The following CEP68 variants were observed in gnomAD, a reference collection of about 807,000 sequenced individuals.
CEP68 encodes the protein centrosomal protein of 68 kDa.
CEP68 carries 26 observed loss-of-function variants against 55.3 expected under a neutral mutation model. That is an observed-to-expected ratio of 0.47 (90% confidence interval 0.34 to 0.65). The LOEUF (loss-of-function observed/expected upper bound fraction) is 0.65, where lower values mean the gene tolerates loss of function less well. Among genes scored for constraint, CEP68 ranks in the 30% least tolerant of loss-of-function variants. The pLI is 0.01. For missense variants in CEP68, 957 were observed against 946.7 expected (o/e 1.01, Z -0.14); for synonymous variants, 402 against 383.2 (o/e 1.05, Z -0.57).
At chr2:65,080,504 A>C (rs1357132867) in intron 5 of CEP68, 31 of 985,264 alleles carry the variant, frequency 3.1e-5, no homozygotes, top group Non-Finnish European at 3.3e-5. Flanking sequence ...CCCCAACCAA[A>C]CATTCTGACA....
intron 1 of CEP68, among the ~76,000 whole-genome samples, chr2:65,067,249 G>A (rs1056855177): frequency 2.0e-5 from 3 of 151,294 alleles, no homozygotes; most frequent in Admixed American, 6.6e-5. Context: ...GCATGGTGGC[G>A]CACGCCTGTA....
intron 2 of CEP68, 61 bp from the exon 3 acceptor site, chr2:65,071,393 C>G: frequency 7.0e-7 from 1 of 1,419,154 alleles, no homozygotes; most frequent in Admixed American, 1.8e-5. Flanking sequence ...GGGTTGTCAT[C>G]TAAGAAAGAA....
At chr2:65,080,397 CTT>C in intron 5 of CEP68, 1 of 985,358 alleles carries the variant, frequency 1.0e-6, no homozygotes. Flanking sequence ...GGGTGCAAAA[CTT>C]AACTTTTCTT....
At chr2:65,068,730 G>A (rs1676316050) in intron 1 of CEP68, among the ~76,000 whole-genome samples, 2 of 152,204 alleles carry the variant, frequency 1.3e-5, no homozygotes, top group African/African-American at 4.8e-5. Context: ...AGGAGGCTGA[G>A]GTGGGAGGAT....
intron 4 of CEP68, chr2:65,074,789 TTTC>T (rs1053081572): frequency 3.8e-6 from 1 of 261,484 alleles, no homozygotes; most frequent in African/African-American, 2.3e-5. Flanking sequence ...AAAAAAGTTT[TTTC>T]TTAATTAAAA....
intron 2 of CEP68, chr2:65,070,680 TAAAC>T (rs1558560554): frequency 6.6e-6 from 1 of 152,108 alleles, no homozygotes; most frequent in Non-Finnish European, 1.5e-5. Flanking sequence ...AAGCGAATCA[TAAAC>T]AGACACAGAA....
chr2:65,067,126 A>C lies in CEP68; in HGVS notation c.-46-2273A>C, dbSNP rs116050796. ...AAGCCTGGTACAGTGGCTTATGCCT[A>C]TAATCCCAGCACTTTGGGAGGTGGG... On this transcript the variant is annotated intron_variant, in intron 1 of 6. Coordinates refer to ENST00000377990, the MANE Select transcript of CEP68 (RefSeq NM_015147.3). Among the ~76,000 whole-genome samples, 1,432 of 151,872 alleles carry C rather than the reference A, an allele frequency of 9.4e-3. 8 individuals carry two copies. The highest frequency in any genetic ancestry group is 0.014 in the Non-Finnish European group (966 of 67,960).
chr2:65,074,856 T>C (rs112534140), intron 4 of CEP68: 102 of 253,070 alleles, frequency 4.0e-4, no homozygotes, highest in Non-Finnish European at 6.9e-4. Flanking sequence ...TCTCAGGGAT[T>C]ATAAATACAG....
chr2:65,080,226 GCT>G (rs1270392674), intron 5 of CEP68: 1 of 984,486 alleles, frequency 1.0e-6, no homozygotes, highest in South Asian at 4.7e-5. Flanking sequence ...GTCCCACTTT[GCT>G]CTCTCAAGAG....
rs755740112 is a variant in CEP68 at position 65,069,610 on chromosome 2, T to TG, written c.172dup (p.Ala58GlyfsTer14). On this transcript the variant is annotated frameshift_variant, in exon 2 of 7. Coordinates refer to ENST00000377990, the MANE Select transcript of CEP68 (RefSeq NM_015147.3). LOFTEE classifies it high-confidence loss of function. ...TGAGGGAGGGCTCATCTCCCCTGTA[T>TG]GGGGGGCAGAAGGGATACCTGCCCC... 1 of 1,614,000 alleles carries TG rather than the reference T, an allele frequency of 6.2e-7. No homozygotes were observed. The highest frequency in any genetic ancestry group is 1.3e-5 in the African/African-American group (1 of 75,042).
chr2:65,057,043 A>G (rs1197270944), intron 1 of CEP68, among the ~76,000 whole-genome samples: 1 of 152,268 alleles, frequency 6.6e-6, no homozygotes, highest in Non-Finnish European at 1.5e-5. Context: ...GCGGAGAGAA[A>G]AAATCAAGAT....
At chr2:65,059,475 A>G (rs963625235) in intron 1 of CEP68, among the ~76,000 whole-genome samples, 4 of 152,200 alleles carry the variant, frequency 2.6e-5, no homozygotes, top group South Asian at 4.1e-4. Context: ...ATGAATCTCA[A>G]ATTCTTTCTA....
rs1676462532 is a variant in CEP68, at chr2:65,071,540, T to A, written c.444T>A (p.Asp148Glu). 1 of 1,614,102 alleles carries A rather than the reference T, an allele frequency of 6.2e-7. No individual in the cohort carries two copies. The highest frequency in any genetic ancestry group is 1.1e-5 in the South Asian group (1 of 91,088). The part of the protein sequence containing the change: ...PRTTTICSGH[D>E]ADTEDDPSLA... ...CAACAACTATTTGCTCAGGACATGA[T>A]GCTGATACCGAAGATGATCCATCCC... Residue 148 changes from aspartate (D) to glutamate (E), a missense_variant, in exon 3 of 7, where the codon GAT (aspartate) becomes GAA (glutamate). Physicochemically the swap from Asp to Glu is conservative, Grantham distance 45. Transcript: ENST00000377990.
In CEP68 at chr2:65,086,870, A is replaced by G. The variant is rs571987447; in HGVS notation, c.*3236A>G. On this transcript the variant is annotated 3_prime_UTR_variant, in exon 7 of 7. Coordinates refer to ENST00000377990, the MANE Select transcript of CEP68 (RefSeq NM_015147.3). ...CGCCTATAATACAAAGTAAACTATGATTTTTATTGTGAAATTTTCATAGAT... is the reference window on the plus strand; with the variant it reads ...CGCCTATAATACAAAGTAAACTATGGTTTTTATTGTGAAATTTTCATAGAT... 27 of 152,736 alleles carry G rather than the reference A, an allele frequency of 1.8e-4. No homozygotes were observed. Among genetic ancestry groups the G allele is most frequent in the African/African-American group, 6.3e-4 (26 of 41,574 alleles). 9.5% of individuals were successfully genotyped at this position (152,736 alleles called of 1,614,324 possible). A position where few individuals can be genotyped will look rare whatever the true frequency, so the allele number is the denominator to read the frequency against.
At chr2:65,079,527 C>T (rs557682777) in intron 5 of CEP68, among the ~76,000 whole-genome samples, 1 of 152,284 alleles carries the variant, frequency 6.6e-6, no homozygotes, top group Admixed American at 6.5e-5. Flanking sequence ...AATCCCCTGC[C>T]CTTTTAAGGC....
intron 1 of CEP68, among the ~76,000 whole-genome samples, chr2:65,059,104 G>A (rs1294778547): frequency 2.0e-5 from 3 of 152,172 alleles, no homozygotes; most frequent in Non-Finnish European, 4.4e-5. Flanking sequence ...GCTTATGGAG[G>A]TGGACTCTCC....
intron 5 of CEP68, among the ~76,000 whole-genome samples, chr2:65,078,455 T>C (rs371305121): frequency 3.5e-4 from 54 of 152,236 alleles, no homozygotes; most frequent in Non-Finnish European, 6.3e-4. Flanking sequence ...ACAGTCAGTC[T>C]GTCCTCAGGG....
At chr2:65,067,582 C>A (rs1241360706) in intron 1 of CEP68, among the ~76,000 whole-genome samples, 4 of 152,082 alleles carry the variant, frequency 2.6e-5, no homozygotes, top group African/African-American at 4.8e-5. Flanking sequence ...TGACCTGTTA[C>A]ACTGATTCTG....
At chr2:65,058,704 G>A (rs942051684) in intron 1 of CEP68, among the ~76,000 whole-genome samples, 6 of 151,454 alleles carry the variant, frequency 4.0e-5, no homozygotes, top group African/African-American at 1.5e-4. Context: ...ACAGGGTTTC[G>A]CCATGTTGTC....
Sources: allele counts gnomAD v4.1 joint callset (sites outside exome capture counted in the v4.1 genomes callset), GRCh38; gene constraint gnomAD v4.1.1; transcripts MANE v1.5; gene names NCBI Gene and HGNC (gene_info 2026-07-23, HGNC 2026-07-21).